The following CCDC51 variants were observed in gnomAD, a reference collection of about 807,000 sequenced individuals.
CCDC51 encodes mitochondrial potassium channel.
In CCDC51, 25 loss-of-function variants were observed where a neutral mutation model predicts 24.8. The observed-to-expected ratio is 1.01, with a 90% CI of 0.73 to 1.41. The LOEUF (loss-of-function observed/expected upper bound fraction) is 1.41, where lower values mean the gene tolerates loss of function less well. CCDC51 is among the 40% of genes most tolerant of loss of function. CCDC51 has a pLI of 0.00. For synonymous variants in CCDC51, 190 were observed against 204.3 expected (o/e 0.93, Z 0.60); for missense variants, 466 against 519.1 (o/e 0.90, Z 0.99).
In CCDC51 at chr3:48,432,584, C is replaced by G. The variant is rs775771653; in HGVS notation, c.1060G>C (p.Asp354His). Residue 354 changes from aspartate (D) to histidine (H), a missense_variant, in exon 4 of 4, where the codon GAC becomes CAC. Asp to His is a moderately conservative substitution (Grantham distance 81). Coordinates refer to ENST00000395694, the MANE Select transcript of CCDC51 (RefSeq NM_001256964.2). ...AAHPGLVEPADGAMPSFLLEQ... is the reference protein window; with the variant it reads ...AAHPGLVEPAHGAMPSFLLEQ... The stretch of plus-strand genomic sequence containing the variant: ...AGCAAGAAGCTGGGCATAGCCCCGT[C>G]TGCTGGTTCCACCAGGCCTGGGTGT... 1.2e-6 allele frequency: 2 copies of G among 1,614,282 alleles called. No homozygotes were observed. Among genetic ancestry groups the G allele is most frequent in the Non-Finnish European group, 1.7e-6 (2 of 1,180,050 alleles).
intron 2 of CCDC51, among the ~76,000 whole-genome samples, chr3:48,434,515 C>T (rs544305126): frequency 1.3e-5 from 2 of 152,308 alleles, no homozygotes; most frequent in South Asian, 2.1e-4. Flanking sequence ...GTAACAGTAC[C>T]GCAGCAAGCC....
At position 48,435,203 on chromosome 3, in the gene CCDC51, G is replaced by C; in HGVS notation, c.-8-67C>G. On this transcript the variant is annotated intron_variant, in intron 1 of 3. Transcript: ENST00000395694. This position sits in a 1 kb window ranked among gnomAD's most constrained non-coding sequence, Gnocchi z 4.2. ...AGGCTGGACATAAGTCAGTTTTGAG[G>C]CCTAGGGACAGTTCTGAACAGACTA... 7.6e-7 allele frequency: 1 copy of C among 1,315,476 alleles called. No homozygotes were observed. The highest frequency in any genetic ancestry group is 1.5e-5 in the South Asian group (1 of 67,170). 81.5% of individuals were successfully genotyped at this position (1,315,476 alleles called of 1,614,324 possible). A position where few individuals can be genotyped will look rare whatever the true frequency, so the allele number is the denominator to read the frequency against.
rs1408698374 is a variant in CCDC51, at chr3:48,434,819, C to T, written c.310G>A (p.Glu104Lys). The T allele has an allele frequency of 6.3e-7, 1 of 1,593,456 alleles. No individual in the cohort carries two copies. The highest frequency in any genetic ancestry group is 1.3e-5 in the African/African-American group (1 of 74,762). The change falls in exon 2 of 4, where the codon GAG becomes AAG. Residue 104 changes from glutamate to lysine, a missense_variant and splice_region_variant. By Grantham distance (56) the Glu-to-Lys change is moderately conservative. Coordinates refer to ENST00000395694, the MANE Select transcript of CCDC51 (RefSeq NM_001256964.2). ...GCCACCCCAGCTCCCCTCCTCACCT[C>T]TGTCACCTTTCCCTGGGCCTCTCGA... Reference protein sequence around the residue: ...EVREAQGKVTEAEKVFMVARG... With the variant: ...EVREAQGKVTKAEKVFMVARG...
upstream of CCDC51, chr3:48,440,219 G>A (rs1047084167): frequency 1.3e-6 from 2 of 1,522,694 alleles, no homozygotes; most frequent in South Asian, 1.3e-5. Flanking sequence ...CAGCGGGGCC[G>A]CCTCGCTGTC....
At chr3:48,445,949 C>A in the CCDC51 span, among the ~76,000 whole-genome samples, 94,389 of 151,956 alleles carry the variant, frequency 0.62, 29,703 homozygotes, top group African/African-American at 0.72. Context: ...TGTTCGCCAC[C>A]GGTAACTCTT....
At chr3:48,439,652 G>C (rs990216528) in intron 1 of CCDC51, among the ~76,000 whole-genome samples, 1 of 152,006 alleles carries the variant, frequency 6.6e-6, no homozygotes, top group Non-Finnish European at 1.5e-5. Flanking sequence ...AGAAAAAAAA[G>C]CTTTATTGAT....
At chr3:48,439,177 C>T (rs142437312) in intron 1 of CCDC51, among the ~76,000 whole-genome samples, 35 of 152,336 alleles carry the variant, frequency 2.3e-4, no homozygotes, top group Non-Finnish European at 4.3e-4. Context: ...TATCACATGA[C>T]CTGCAACATG....
chr3:48,441,096 A>G (rs7639743), upstream of CCDC51: 89,374 of 156,812 alleles, frequency 0.57, 25,573 homozygotes, highest in East Asian at 0.7. Context: ...GCTCACTGCA[A>G]CCTCCACCTT....
Position 48,440,061 on chromosome 3 carries a change from T to G in CCDC51, c.-82A>C, listed in dbSNP as rs747286395. On this transcript the variant is annotated 5_prime_UTR_variant, in exon 1 of 4. Transcript: ENST00000395694. ...TTAAGTACCCCTCCTACGGTTCCGATTCTACCCTGGCAGGACAACCCTAGC... is the reference window on the plus strand; with the variant it reads ...TTAAGTACCCCTCCTACGGTTCCGAGTCTACCCTGGCAGGACAACCCTAGC... The G allele has an allele frequency of 1.5e-6, 1 of 663,400 alleles. No individual in the cohort carries two copies. Among genetic ancestry groups the G allele is most frequent in the Non-Finnish European group, 2.4e-6 (1 of 408,360 alleles). The allele number at this position is 663,400 out of a possible 1,614,324, so 41.1% of individuals were successfully genotyped here.
upstream of CCDC51, among the ~76,000 whole-genome samples, chr3:48,444,488 G>A (rs1403850830): frequency 1.3e-5 from 2 of 152,138 alleles, no homozygotes; most frequent in Non-Finnish European, 2.9e-5. Context: ...GGCCAGGCTG[G>A]TCTCAAACTC....
At chr3:48,436,954 C>T (rs1354789698) in intron 1 of CCDC51, among the ~76,000 whole-genome samples, 1 of 152,190 alleles carries the variant, frequency 6.6e-6, no homozygotes, top group East Asian at 1.9e-4. Flanking sequence ...GATCAAAATC[C>T]CCCAACAGCT....
At position 48,433,644 on chromosome 3, in the gene CCDC51, C is replaced by G; in HGVS notation, c.477+63G>C. On this transcript the variant is annotated intron_variant, in intron 3 of 3. Coordinates refer to ENST00000395694, the MANE Select transcript of CCDC51 (RefSeq NM_001256964.2). This position sits in a 1 kb window ranked among gnomAD's most constrained non-coding sequence, Gnocchi z 4.4. ...CAGTCAGGGTTCCCACCCGGCCCCT[C>G]CATGATCTGCCAGGCTAGGGTCACT... The G allele has an allele frequency of 6.4e-7, 1 of 1,556,866 alleles. No individual in the cohort carries two copies. The highest frequency in any genetic ancestry group is 8.7e-7 in the Non-Finnish European group (1 of 1,145,216).
At chr3:48,440,321 T>A, upstream of CCDC51, 1 of 1,611,378 alleles carries the variant, frequency 6.2e-7, no homozygotes, top group Non-Finnish European at 8.5e-7. Flanking sequence ...AGGTAAGTGT[T>A]CCGGAACCGT....
rs369458871 is a variant in CCDC51, at chr3:48,432,531, C to T, written c.1113G>A (p.Leu371=). 6.2e-7 allele frequency: 1 copy of T among 1,614,238 alleles called. No individual in the cohort carries two copies. Among genetic ancestry groups the T allele is most frequent in the African/African-American group, 1.3e-5 (1 of 75,070 alleles). Residue 371 remains leucine, a synonymous_variant, in exon 4 of 4, where the codon CTG becomes CTA. Coordinates refer to ENST00000395694, the MANE Select transcript of CCDC51 (RefSeq NM_001256964.2). ...LLEQGSMILA[L]SDTEQRLEAQ... ...CTTCTAGTCTCTGCTCCGTGTCTGA[C>T]AGTGCCAAGATCATGCTCCCCTGCT...
intron 2 of CCDC51, among the ~76,000 whole-genome samples, chr3:48,434,417 T>C (rs2039287309): frequency 6.6e-6 from 1 of 152,236 alleles, no homozygotes; most frequent in Non-Finnish European, 1.5e-5. Flanking sequence ...CACAAAGGAC[T>C]TGACAACCAC....
chr3:48,433,243 C>T lies in CCDC51; in HGVS notation c.478-77G>A, dbSNP rs2107123181. The T allele has an allele frequency of 7.3e-7, 1 of 1,371,676 alleles. No homozygotes were observed. Among genetic ancestry groups the T allele is most frequent in the Non-Finnish European group, 1.0e-6 (1 of 989,000 alleles). 85.0% of individuals were successfully genotyped at this position (1,371,676 alleles called of 1,614,324 possible). On this transcript the variant is annotated intron_variant, in intron 3 of 3. Coordinates refer to ENST00000395694, the MANE Select transcript of CCDC51 (RefSeq NM_001256964.2). The surrounding 1 kb of genome is among the most constrained non-coding windows in gnomAD (Gnocchi z 4.4). ...CAGCTATAGCCACCAGCAGATGGCT[C>T]ACTACCTTGTGCCTGGCAGAGTACA...
Position 48,435,007 on chromosome 3 carries a change from G to T in CCDC51, c.122C>A (p.Pro41Gln), listed in dbSNP as rs761745752. 12 of 1,614,106 alleles carry T rather than the reference G, an allele frequency of 7.4e-6. No homozygotes were observed. The African/African-American group carries it at 1.6e-4, about 22-fold the overall frequency. Reference protein sequence around the residue: ...FMTRTLCSPGPSQPGEKRPEE... With the variant: ...FMTRTLCSPGQSQPGEKRPEE... ...AGGTCTTTTCTCTCCGGGCTGGCTT[G>T]GGCCTGGGCTGCAGAGAGTCCTGGT... Residue 41 changes from proline to glutamine, a missense_variant, in exon 2 of 4, where the codon CCA (proline) becomes CAA (glutamine). Transcript: ENST00000395694. This position sits in a 1 kb window ranked among gnomAD's most constrained non-coding sequence, Gnocchi z 4.2.
At position 48,432,796 on chromosome 3, in the gene CCDC51, C is replaced by T. The variant is rs760305507; in HGVS notation, c.848G>A (p.Gly283Glu). 1.9e-6 allele frequency: 3 copies of T among 1,614,134 alleles called. No individual in the cohort carries two copies. The South Asian group carries it at 3.3e-5, about 18-fold the overall frequency. Residue 283 changes from glycine (G) to glutamate (E), a missense_variant, in exon 4 of 4, where the codon GGG (glycine) becomes GAG (glutamate). Physicochemically the swap from Gly to Glu is moderately conservative, Grantham distance 98. Transcript: ENST00000395694. ...VHAAGPGQDS[G>E]SQAGSPPTRD... Reference sequence around the variant, plus strand: ...GGTCGGGGGACTACCTGCCTGTGACCCAGAGTCCTGCCCTGGCCCAGCAGC... The same window carrying T: ...GGTCGGGGGACTACCTGCCTGTGACTCAGAGTCCTGCCCTGGCCCAGCAGC...
upstream of CCDC51, chr3:48,440,302 C>G (rs778692219): frequency 3.1e-6 from 5 of 1,607,046 alleles, no homozygotes; most frequent in Non-Finnish European, 4.2e-6. Flanking sequence ...GCGCCATGTC[C>G]GGCCGCGAAG....
Sources: gnomAD v4.1 joint callset for allele counts (sites outside exome capture counted in the v4.1 genomes callset) on GRCh38, gnomAD v4.1.1 for gene constraint, Gnocchi (gnomAD v3.1) non-coding constraint, MANE v1.5 for transcripts, NCBI Gene and HGNC (gene_info 2026-07-23, HGNC 2026-07-21) for gene names.